CNTN3: variants seen among roughly 807,000 people sequenced by gnomAD.
CNTN3 encodes contactin 3.
In CNTN3, 60 loss-of-function variants were observed where a neutral mutation model predicts 119.1. The ratio of observed to expected loss-of-function variants is 0.50; its 90% CI spans 0.41 to 0.62. The LOEUF (loss-of-function observed/expected upper bound fraction) is 0.62. CNTN3 is among the 20% of genes least tolerant of loss of function. The pLI, the probability that CNTN3 is intolerant of heterozygous loss-of-function variation, is 0.00. For synonymous variants in CNTN3, 450 were observed against 438.7 expected (o/e 1.03, Z -0.32); for missense variants, 1,101 against 1,242.4 (o/e 0.89, Z 1.71).
chr3:74,266,370 G>A (rs111399771), intron 22 of CNTN3, 111 bp downstream of exon 22: 4 of 1,140,608 alleles, frequency 3.5e-6, no homozygotes, highest in Non-Finnish European at 5.0e-6. Flanking sequence ...CCGGCATTTG[G>A]ATGTAAGCCT....
At chr3:74,540,811 CT>C (rs1703832733) in intron 1 of CNTN3, among the ~76,000 whole-genome samples, 1 of 152,076 alleles carries the variant, frequency 6.6e-6, no homozygotes, top group Non-Finnish European at 1.5e-5. Context: ...CCAAGTGTTC[CT>C]ATTTAATCAA....
intron 13 of CNTN3, among the ~76,000 whole-genome samples, chr3:74,328,138 TG>T (rs1243131097): frequency 6.6e-6 from 1 of 152,056 alleles, no homozygotes; most frequent in Non-Finnish European, 1.5e-5. Context: ...CATATATTTC[TG>T]TTACTTCAAT....
intron 17 of CNTN3, among the ~76,000 whole-genome samples, chr3:74,299,007 G>C (rs1702400285): frequency 1.3e-5 from 2 of 152,034 alleles, no homozygotes; most frequent in Admixed American, 1.3e-4. Context: ...AGGAGTTTGA[G>C]AGCAGCCTGG....
chr3:74,471,425 C>T (rs1306233008), intron 4 of CNTN3, among the ~76,000 whole-genome samples: 1 of 152,126 alleles, frequency 6.6e-6, no homozygotes, highest in Non-Finnish European at 1.5e-5. Flanking sequence ...ATTTTAAAAT[C>T]GATTTCTTCC....
intron 4 of CNTN3, among the ~76,000 whole-genome samples, chr3:74,455,496 G>A (rs1354605711): frequency 2.6e-5 from 4 of 151,920 alleles, no homozygotes; most frequent in African/African-American, 7.3e-5. Context: ...TTCTTCTCTC[G>A]ACTCGTCAAA....
chr3:74,389,502 GTAA>G (rs1014659074), intron 5 of CNTN3, among the ~76,000 whole-genome samples: 7 of 152,088 alleles, frequency 4.6e-5, no homozygotes, highest in Admixed American at 3.9e-4. Context: ...TTTTATAGTT[GTAA>G]TAATAACTAT....
rs1408459038 is a variant in CNTN3, at chr3:74,301,531, A to G, written c.1962T>C (p.Asp654=). 4.3e-6 allele frequency: 7 copies of G among 1,613,900 alleles called. No individual in the cohort carries two copies. The highest frequency in any genetic ancestry group is 2.7e-5 in the African/African-American group (2 of 74,926). The change falls in exon 16 of 23, where the codon GAT becomes GAC. Residue 654 remains aspartate, a synonymous_variant. Transcript: ENST00000263665. ...CTACAGTGGCTGTGTGCGTCTTCCC[A>G]TCGATGACCTCAGGCACTACAAAGG... ...QTVTTVPEVI[D]GKTHTATVVE... is the part of the protein sequence containing the mutation.
chr3:74,276,642 A>G (rs1701885889), intron 20 of CNTN3, among the ~76,000 whole-genome samples: 1 of 151,946 alleles, frequency 6.6e-6, no homozygotes. Flanking sequence ...CAATGCTAAC[A>G]GAAAAGTTCA....
chr3:74,518,098 T>C (rs990778223), intron 2 of CNTN3, among the ~76,000 whole-genome samples: 3 of 151,980 alleles, frequency 2.0e-5, no homozygotes, highest in African/African-American at 7.2e-5. Context: ...GGGTTGTATT[T>C]AACCTTAAAT....
intron 4 of CNTN3, among the ~76,000 whole-genome samples, chr3:74,444,346 C>T (rs756193630): frequency 1.3e-5 from 2 of 152,032 alleles, no homozygotes; most frequent in Non-Finnish European, 2.9e-5. Context: ...ATAAATAAAA[C>T]AAGTGAAAAT....
chr3:74,321,825 G>A (rs762779446), intron 13 of CNTN3, among the ~76,000 whole-genome samples: 1 of 152,084 alleles, frequency 6.6e-6, no homozygotes, highest in Non-Finnish European at 1.5e-5. Context: ...GATATAATCT[G>A]CCAAAAGTTA....
intron 1 of CNTN3, among the ~76,000 whole-genome samples, chr3:74,587,124 AG>A: frequency 6.6e-6 from 1 of 151,938 alleles, no homozygotes; most frequent in South Asian, 2.1e-4. Context: ...ATTTCCATGG[AG>A]GGGAAAAAAA....
chr3:74,320,793 C>A (rs1050265752), intron 13 of CNTN3, among the ~76,000 whole-genome samples: 1 of 152,084 alleles, frequency 6.6e-6, no homozygotes, highest in African/African-American at 2.4e-5. Context: ...TTAGAGCACA[C>A]TTTTATTGTG....
chr3:74,432,741 A>G (rs1701804936), intron 4 of CNTN3, among the ~76,000 whole-genome samples: 1 of 152,138 alleles, frequency 6.6e-6, no homozygotes, highest in South Asian at 2.1e-4. Flanking sequence ...TCAAAACTCA[A>G]TCATTATTTT....
At chr3:74,401,734 G>A (rs993242492) in intron 5 of CNTN3, among the ~76,000 whole-genome samples, 2 of 152,116 alleles carry the variant, frequency 1.3e-5, no homozygotes, top group Admixed American at 1.3e-4. Flanking sequence ...GCTAAAGGGA[G>A]CTATGGTGAC....
chr3:74,405,080 C>T (rs1186062378), intron 5 of CNTN3, among the ~76,000 whole-genome samples: 3 of 151,998 alleles, frequency 2.0e-5, no homozygotes, highest in South Asian at 4.1e-4. Context: ...GATTTATATA[C>T]GGTTTCTGTC....
chr3:74,369,295 A>G lies in CNTN3; in HGVS notation c.840T>C (p.Gly280=), dbSNP rs1381507990. ...GTTGGAAGTTGGGGATTTCAAGCACACCACTGAACTTCCTTAATTTAATTT... is the reference window on the plus strand; with the variant it reads ...GTTGGAAGTTGGGGATTTCAAGCACGCCACTGAACTTCCTTAATTTAATTT... ...SSKIKLRKFS[G]VLEIPNFQQE... The change falls in exon 8 of 23, where the codon GGT becomes GGC. Residue 280 remains glycine (G), a synonymous_variant. Transcript: ENST00000263665. 1.2e-6 allele frequency: 2 copies of G among 1,611,030 alleles called. No individual in the cohort carries two copies. Among genetic ancestry groups the G allele is most frequent in the African/African-American group, 1.3e-5 (1 of 74,662 alleles).
chr3:74,585,006 G>A (rs1704571632), intron 1 of CNTN3, among the ~76,000 whole-genome samples: 1 of 152,144 alleles, frequency 6.6e-6, no homozygotes, highest in Admixed American at 6.5e-5. Context: ...AGTCCAGAAA[G>A]AAGAAAGAAG....
At chr3:74,368,089 T>C (rs1472037793) in intron 8 of CNTN3, among the ~76,000 whole-genome samples, 2 of 152,122 alleles carry the variant, frequency 1.3e-5, no homozygotes, top group East Asian at 1.9e-4. Context: ...AGCAACAAGA[T>C]GGGAGAGTTA....
Sources: allele counts gnomAD v4.1 joint callset (sites outside exome capture counted in the v4.1 genomes callset), GRCh38; gene constraint gnomAD v4.1.1; transcripts MANE v1.5; gene names NCBI Gene and HGNC (gene_info 2026-07-23, HGNC 2026-07-21).